Variants in FHL3 observed in about 807,000 individuals in gnomAD.
FHL3 encodes the protein four and a half LIM domains protein 3.
A neutral mutation model predicts 34.3 loss-of-function variants in FHL3; 21 were observed. That is an observed-to-expected ratio of 0.61 (90% CI 0.43 to 0.88). FHL3 has a LOEUF of 0.88. Among genes scored for constraint, FHL3 ranks in the 40% least tolerant of loss-of-function variants. The pLI is 0.00. For missense variants in FHL3, 333 were observed against 373.7 expected, an observed-to-expected ratio of 0.89 and a Z score of 0.90; for synonymous variants, 137 against 144.6, an observed-to-expected ratio of 0.95 and a Z score of 0.38.
At position 37,997,159 on chromosome 1, in the gene FHL3, A is replaced by G; in HGVS notation, c.*246T>C. The G allele has an allele frequency of 2.1e-6, 1 of 486,120 alleles. No individual in the cohort carries two copies. Among genetic ancestry groups the G allele is most frequent in the Non-Finnish European group, 3.7e-6 (1 of 270,498 alleles). The allele number at this position is 486,120 out of a possible 1,614,324, so 30.1% of individuals were successfully genotyped here. Reference sequence around the variant, plus strand: ...TCTGGGAACCCAGACTGCAGGGGAGAGGGTGAATTCTGGAGTCCAGGTGTG... The same window carrying G: ...TCTGGGAACCCAGACTGCAGGGGAGGGGGTGAATTCTGGAGTCCAGGTGTG... On this transcript the variant is annotated 3_prime_UTR_variant, in exon 6 of 6. Transcript: ENST00000373016. The surrounding 1 kb of genome is among the most constrained non-coding windows in gnomAD (Gnocchi z 4.3).
At chr1:38,002,725 G>C (rs1431580156) in intron 1 of FHL3, among the ~76,000 whole-genome samples, 1 of 151,582 alleles carries the variant, frequency 6.6e-6, no homozygotes, top group Non-Finnish European at 1.5e-5. Flanking sequence ...ATTTTTAGTA[G>C]AGATGGAGAG....
At chr1:38,003,516 C>T (rs1469499211) in intron 1 of FHL3, among the ~76,000 whole-genome samples, 5 of 152,220 alleles carry the variant, frequency 3.3e-5, no homozygotes, top group African/African-American at 9.6e-5. Context: ...CGCTTCAGTC[C>T]GGTCAGCCTG....
rs1244052310 is a variant in FHL3, at chr1:37,997,348, A to T, written c.*57T>A. 4 of 1,551,844 alleles carry T rather than the reference A, an allele frequency of 2.6e-6. No homozygotes were observed. The highest frequency in any genetic ancestry group is 2.6e-6 in the Non-Finnish European group (3 of 1,150,388). ...GCTGAGTCCCAGAGGTGGTTTAGAA[A>T]AGGAGCCACAGTCCTGGGCCCGTGG... On this transcript the variant is annotated 3_prime_UTR_variant, in exon 6 of 6. Transcript: ENST00000373016. This position sits in a 1 kb window ranked among gnomAD's most constrained non-coding sequence, Gnocchi z 4.3.
chr1:38,003,720 AAGGTCCCGATCAGGACCC>A (rs1216957432), intron 1 of FHL3, among the ~76,000 whole-genome samples: 2 of 152,168 alleles, frequency 1.3e-5, no homozygotes, highest in Admixed American at 1.3e-4. Context: ...GTTCATGCCC[AAGGTCCCGATCAGGACCC>A]AGGTCCCCTG....
chr1:37,999,081 A>T lies in FHL3; in HGVS notation c.224T>A (p.Leu75Gln). The stretch of plus-strand genomic sequence containing the variant: ...CTGGCAGGTGAAGGGTTCATCGGCT[A>T]GTGAGCGCTGGCAGCGGCAGCAGCG... ...CFRCCRCQRSLADEPFTCQDS... is the reference protein window; with the variant it reads ...CFRCCRCQRSQADEPFTCQDS... Residue 75 changes from leucine (L) to glutamine (Q), a missense_variant, in exon 3 of 6, where the codon CTA becomes CAA. Coordinates refer to ENST00000373016, the MANE Select transcript of FHL3 (RefSeq NM_004468.5). 1 of 1,614,226 alleles carries T rather than the reference A, an allele frequency of 6.2e-7. No individual in the cohort carries two copies. The highest frequency in any genetic ancestry group is 8.5e-7 in the Non-Finnish European group (1 of 1,180,042).
At position 37,999,159 on chromosome 1, in the gene FHL3, C is replaced by A. The variant is rs200715207; in HGVS notation, c.157-11G>T. ...TTCATAGAACAGCTCCTGTGGGGAACACAGCAGGGGCACTGGCACCCAGGC... is the reference window on the plus strand; with the variant it reads ...TTCATAGAACAGCTCCTGTGGGGAAAACAGCAGGGGCACTGGCACCCAGGC... On this transcript the variant is annotated splice_polypyrimidine_tract_variant and intron_variant, in intron 2 of 5. Transcript: ENST00000373016. 6.2e-7 allele frequency: 1 copy of A among 1,614,152 alleles called. No individual in the cohort carries two copies. Among genetic ancestry groups the A allele is most frequent in the African/African-American group, 1.3e-5 (1 of 75,050 alleles).
chr1:37,998,691 C>G (rs941157189), intron 3 of FHL3: 1 of 445,266 alleles, frequency 2.2e-6, no homozygotes, highest in Admixed American at 3.5e-5. Flanking sequence ...CCCAATGCAA[C>G]AAGCATGACA....
At chr1:38,004,274 C>T (rs6600437) in intron 1 of FHL3, among the ~76,000 whole-genome samples, 150,341 of 152,058 alleles carry the variant, frequency 0.99, 74,351 homozygotes, top group East Asian at 1. Flanking sequence ...GATTTGAGTT[C>T]AAAAATAAGT....
chr1:37,997,978 G>A lies in FHL3; in HGVS notation c.486C>T (p.Cys162=), dbSNP rs147927855. The A allele has an allele frequency of 8.7e-6, 14 of 1,614,032 alleles. No homozygotes were observed. The highest frequency in any genetic ancestry group is 6.7e-5 in the African/African-American group (5 of 74,916). The change falls in exon 4 of 6, where the codon TGC becomes TGT. Residue 162 remains cysteine, a synonymous_variant. Coordinates refer to ENST00000373016, the MANE Select transcript of FHL3 (RefSeq NM_004468.5). The surrounding 1 kb of genome is among the most constrained non-coding windows in gnomAD (Gnocchi z 4.3). ...CAGCCCCCACCTTGCTGCAGCGGGC[G>A]CAGCGAGGAGCAAACTTGTTCTCAT... is the stretch of plus-strand genomic sequence containing the variant. The part of the protein sequence containing the change: ...PCYENKFAPR[C]ARCSKTLTQG...
rs141005636 is a variant in FHL3, at chr1:37,997,804, C to T, written c.568G>A (p.Gly190Arg). The T allele has an allele frequency of 5.5e-5, 88 of 1,614,102 alleles. No homozygotes were observed. The highest frequency in any genetic ancestry group is 3.9e-4 in the African/African-American group (29 of 75,010). Residue 190 changes from glycine to arginine, a missense_variant, in exon 5 of 6, where the codon GGA becomes AGA. Physicochemically the swap from Gly to Arg is moderately radical, Grantham distance 125. Transcript: ENST00000373016. This position sits in a 1 kb window ranked among gnomAD's most constrained non-coding sequence, Gnocchi z 4.3. Reference sequence around the variant, plus strand: ...TGCCCTGCCAGGGGCGTCTGGCATCCGGTACAGACCAGACATTCTCGATGC... The same window carrying T: ...TGCCCTGCCAGGGGCGTCTGGCATCTGGTACAGACCAGACATTCTCGATGC... ...PWHRECLVCT[G>R]CQTPLAGQQF...
At chr1:38,003,685 C>T (rs1646617095) in intron 1 of FHL3, among the ~76,000 whole-genome samples, 2 of 152,166 alleles carry the variant, frequency 1.3e-5, no homozygotes, top group Admixed American at 1.3e-4. Context: ...TACAGCTGAG[C>T]ACAAGGAGGC....
Position 37,999,186 on chromosome 1 carries a change from T to C in FHL3, c.157-38A>G. ...CAGCAGGGGCACTGGCACCCAGGCC[T>C]CATGGACCCATCCTTTGCCCCCTTC... On this transcript the variant is annotated intron_variant, in intron 2 of 5. Transcript: ENST00000373016. 4 of 1,613,920 alleles carry C rather than the reference T, an allele frequency of 2.5e-6. No homozygotes were observed. The South Asian group carries it at 4.4e-5, about 18-fold the overall frequency.
intron 1 of FHL3, among the ~76,000 whole-genome samples, chr1:38,001,033 GGCTTGAAGTTCA>G (rs1646588712): frequency 6.6e-6 from 1 of 152,172 alleles, no homozygotes; most frequent in Non-Finnish European, 1.5e-5. Context: ...GCGCTGCTCT[GGCTTGAAGTTCA>G]GACTCCAGGC....
Position 37,997,304 on chromosome 1 carries a change from A to G in FHL3, c.*101T>C, listed in dbSNP as rs183300865. The G allele has an allele frequency of 1.4e-4, 181 of 1,319,748 alleles. No homozygotes were observed. In the East Asian group the frequency reaches 3.8e-3, roughly 27 times the overall value. 81.8% of individuals were successfully genotyped at this position (1,319,748 alleles called of 1,614,324 possible). A position where few individuals can be genotyped will look rare whatever the true frequency, so the allele number is the denominator to read the frequency against. ...AATCCTGGAGCCCAGAAGGAGACCC[A>G]TTTTTTTTGGCGGGGGGAGCTGAGT... On this transcript the variant is annotated 3_prime_UTR_variant, in exon 6 of 6. Transcript: ENST00000373016. This position sits in a 1 kb window ranked among gnomAD's most constrained non-coding sequence, Gnocchi z 4.3.
chr1:37,997,906 G>A lies in FHL3; in HGVS notation c.502-36C>T. 1 of 1,613,624 alleles carries A rather than the reference G, an allele frequency of 6.2e-7. No homozygotes were observed. Among genetic ancestry groups the A allele is most frequent in the East Asian group, 2.2e-5 (1 of 44,818 alleles). On this transcript the variant is annotated intron_variant, in intron 4 of 5. Transcript: ENST00000373016. This position sits in a 1 kb window ranked among gnomAD's most constrained non-coding sequence, Gnocchi z 4.3. ...AGCATCCATTAGTAGGTATGAGTGG[G>A]GATTCCCACCCCACAACAGGCCTCA... is the stretch of plus-strand genomic sequence containing the variant.
In FHL3 at chr1:37,999,406, C is replaced by T. The variant is rs189472292; in HGVS notation, c.7G>A (p.Glu3Lys). The change falls in exon 2 of 6, where the codon GAG (glutamate) becomes AAG (lysine). Residue 3 changes from glutamate (E) to lysine (K), a missense_variant. Transcript: ENST00000373016. ...TTGCATTTTGCACAGTCAAATGACT[C>T]GCTCATGGTGGCAAGGGGAGAGAAC... is the stretch of plus-strand genomic sequence containing the variant. The part of the protein sequence containing the change: MS[E>K]SFDCAKCNES... 29 of 1,614,134 alleles carry T rather than the reference C, an allele frequency of 1.8e-5. No individual in the cohort carries two copies. The African/African-American group carries it at 2.3e-4, about 13-fold the overall frequency.
At chr1:38,002,519 C>A (rs574967055) in intron 1 of FHL3, among the ~76,000 whole-genome samples, 34 of 150,442 alleles carry the variant, frequency 2.3e-4, no homozygotes, top group African/African-American at 7.8e-4. Flanking sequence ...CAGGCATGAG[C>A]CACAGTGCCA....
At position 37,997,671 on chromosome 1, in the gene FHL3, A is replaced by C. The variant is rs200788145; in HGVS notation, c.688+13T>G. ...TGCACCCTACCCACTCCGTTCTTTG[A>C]CCCTTGTCCCACCTACGATGGGGCG... On this transcript the variant is annotated intron_variant, in intron 5 of 5. Transcript: ENST00000373016. The surrounding 1 kb of genome is among the most constrained non-coding windows in gnomAD (Gnocchi z 4.3). 5 of 1,613,482 alleles carry C rather than the reference A, an allele frequency of 3.1e-6. No homozygotes were observed. In the South Asian group the frequency reaches 5.5e-5, roughly 18 times the overall value.
At chr1:38,001,006 G>A (rs376547757) in intron 1 of FHL3, among the ~76,000 whole-genome samples, 15 of 152,174 alleles carry the variant, frequency 9.9e-5, no homozygotes, top group East Asian at 3.9e-4. Context: ...CCCCCAGTGC[G>A]AAATTCTTGA....
Sources: gnomAD v4.1 joint callset for allele counts (sites outside exome capture counted in the v4.1 genomes callset) on GRCh38, gnomAD v4.1.1 for gene constraint, Gnocchi (gnomAD v3.1) non-coding constraint, MANE v1.5 for transcripts, NCBI Gene and HGNC (gene_info 2026-07-23, HGNC 2026-07-21) for gene names.